HIVEP3: variants seen among roughly 807,000 people sequenced by gnomAD.
The protein encoded by HIVEP3 is transcription factor HIVEP3.
In HIVEP3, 49 loss-of-function variants were observed where a neutral mutation model predicts 152.8. The ratio of observed to expected loss-of-function variants is 0.32; its 90% CI spans 0.26 to 0.41. The LOEUF (loss-of-function observed/expected upper bound fraction) is 0.41. Among genes scored for constraint, HIVEP3 ranks in the 10% least tolerant of loss-of-function variants. The pLI is 1.00. For synonymous variants in HIVEP3, 1,269 were observed against 1,289.0 expected, an observed-to-expected ratio of 0.98 and a Z score of 0.33; for missense variants, 2,790 against 3,103.3, an observed-to-expected ratio of 0.90 and a Z score of 2.40.
intron 1 of HIVEP3, among the ~76,000 whole-genome samples, chr1:41,982,574 T>C (rs1645299196): frequency 6.6e-6 from 1 of 152,170 alleles, no homozygotes; most frequent in Admixed American, 6.5e-5. Flanking sequence ...CTGTAATTTA[T>C]TTATCCAGTG....
Position 41,584,121 on chromosome 1 carries a change from C to A in HIVEP3, c.677G>T (p.Gly226Val). ...GERPYPCGPC[G>V]FSFKTKSNLY... ...ATTACTCTTGGTCTTGAAGGAGAAG[C>A]CACAGGGGCCGCAGGGGTAGGGCCT... is the stretch of plus-strand genomic sequence containing the variant. The change falls in exon 4 of 9, where the codon GGC becomes GTC. Residue 226 changes from glycine to valine, a missense_variant. Physicochemically the swap from Gly to Val is moderately radical, Grantham distance 109. Around this residue, in one of 9 missense-constraint regions of HIVEP3, gnomAD observed 25 missense variants for 75.9 expected, o/e 0.33. Transcript: ENST00000372583. This position sits in a 1 kb window ranked among gnomAD's most constrained non-coding sequence, Gnocchi z 5.2. 6.2e-7 allele frequency: 1 copy of A among 1,614,142 alleles called. No individual in the cohort carries two copies.
At chr1:41,527,124 TCACA>T (rs1174648051) in intron 5 of HIVEP3, among the ~76,000 whole-genome samples, 15 of 93,050 alleles carry the variant, frequency 1.6e-4, no homozygotes, top group African/African-American at 3.4e-4. Context: ...ACCCTCTTCC[TCACA>T]CACACCCTCA....
chr1:41,844,694 A>T (rs1424141562), intron 1 of HIVEP3, among the ~76,000 whole-genome samples: 59 of 152,226 alleles, frequency 3.9e-4, no homozygotes, highest in Non-Finnish European at 1.2e-4. Flanking sequence ...TCAAGTCTCA[A>T]TCTTAGTCCA....
chr1:41,591,072 A>C (rs928176334), intron 3 of HIVEP3, among the ~76,000 whole-genome samples: 1 of 152,238 alleles, frequency 6.6e-6, no homozygotes, highest in African/African-American at 2.4e-5. Context: ...TCAATAAATA[A>C]TAATCATCAT....
chr1:41,529,064 C>CTTA (rs1643137035), intron 5 of HIVEP3, among the ~76,000 whole-genome samples: 1 of 144,536 alleles, frequency 6.9e-6, no homozygotes, highest in Non-Finnish European at 1.5e-5. Flanking sequence ...CCCACCCTCA[C>CTTA]CCTCACACTC....
chr1:41,824,802 GA>G (rs1642740755), intron 1 of HIVEP3, among the ~76,000 whole-genome samples: 1 of 26,888 alleles, frequency 3.7e-5, no homozygotes, highest in African/African-American at 1.2e-4. Context: ...GAGAGAGAGA[GA>G]GAGAGAGAGA....
intron 1 of HIVEP3, among the ~76,000 whole-genome samples, chr1:41,732,836 G>A (rs543783444): frequency 6.6e-6 from 1 of 152,248 alleles, no homozygotes; most frequent in Non-Finnish European, 1.5e-5. Context: ...GCCCTGCAGG[G>A]ATCAGATGGG....
At chr1:41,544,631 T>C (rs1335546663) in intron 5 of HIVEP3, among the ~76,000 whole-genome samples, 1 of 131,258 alleles carries the variant, frequency 7.6e-6, no homozygotes, top group South Asian at 2.5e-4. Flanking sequence ...CTATCATCGC[T>C]ACTACCATCA....
At chr1:42,003,786 CAAA>C (rs112079993) in intron 1 of HIVEP3, among the ~76,000 whole-genome samples, 9 of 104,162 alleles carry the variant, frequency 8.6e-5, no homozygotes, top group Admixed American at 1.0e-4. Flanking sequence ...CTTTTTAGGG[CAAA>C]AAAAAAAAAA....
chr1:41,676,261 A>G (rs971958979), intron 2 of HIVEP3, among the ~76,000 whole-genome samples: 1 of 152,172 alleles, frequency 6.6e-6, no homozygotes, highest in Admixed American at 6.5e-5. Flanking sequence ...CATGGTGGCC[A>G]GGCTGGTCTT....
In HIVEP3 at chr1:41,913,993, CTCCCCAAA is replaced by C. The variant is rs555456347; in HGVS notation, c.-801+4412_-801+4419del. On this transcript the variant is annotated intron_variant, in intron 1 of 8. Transcript: ENST00000372583. The stretch of plus-strand genomic sequence containing the variant: ...TTCCCTATACTTCTCCCTGGCTTTG[CTCCCCAAA>C]TCTGAAAGGCATTTTCAGATCACCC... Among the ~76,000 whole-genome samples the C allele has an allele frequency of 4.1e-3, 622 of 152,262 alleles. 3 individuals carry two copies. The highest frequency in any genetic ancestry group is 0.017 in the Middle Eastern group (5 of 294).
At chr1:41,837,070 T>G (rs1643145099) in intron 1 of HIVEP3, among the ~76,000 whole-genome samples, 1 of 152,192 alleles carries the variant, frequency 6.6e-6, no homozygotes, top group African/African-American at 2.4e-5. Context: ...TTCATCTCCC[T>G]CCACCCTTTC....
chr1:41,934,649 G>A (rs1645011580), intron 1 of HIVEP3, among the ~76,000 whole-genome samples: 1 of 152,128 alleles, frequency 6.6e-6, no homozygotes. Context: ...CTTGCTTAAA[G>A]AGCTTTAGGA....
intron 2 of HIVEP3, among the ~76,000 whole-genome samples, chr1:41,694,039 T>C (rs1646235678): frequency 2.6e-5 from 4 of 152,254 alleles, no homozygotes; most frequent in Admixed American, 2.6e-4. Flanking sequence ...CATTCATCCA[T>C]GTTTATTTTT....
At chr1:41,687,358 TCTTCAAAG>T (rs1001771689) in intron 2 of HIVEP3, among the ~76,000 whole-genome samples, 1 of 152,248 alleles carries the variant, frequency 6.6e-6, no homozygotes, top group Non-Finnish European at 1.5e-5. Flanking sequence ...CTGCCCCTTC[TCTTCAAAG>T]CCTCATTTAA....
At chr1:41,656,275 A>G (rs1475697630) in intron 2 of HIVEP3, among the ~76,000 whole-genome samples, 7 of 152,186 alleles carry the variant, frequency 4.6e-5, no homozygotes, top group Non-Finnish European at 8.8e-5. Flanking sequence ...CTTGCACATC[A>G]AAGGCCCATG....
chr1:41,753,072 CCTT>C (rs1326498605), intron 1 of HIVEP3, among the ~76,000 whole-genome samples: 2 of 152,166 alleles, frequency 1.3e-5, no homozygotes, highest in Non-Finnish European at 2.9e-5. Flanking sequence ...ACACAAAACT[CCTT>C]CTGTAAAAAC....
chr1:41,825,552 T>C (rs1182064316), intron 1 of HIVEP3, among the ~76,000 whole-genome samples: 2 of 151,218 alleles, frequency 1.3e-5, no homozygotes, highest in African/African-American at 4.9e-5. Flanking sequence ...ATTACAGGCG[T>C]GAGCCACTGC....
chr1:41,685,863 C>CCTCTCTGT (rs917331478), intron 2 of HIVEP3, among the ~76,000 whole-genome samples: 5 of 152,128 alleles, frequency 3.3e-5, no homozygotes, highest in African/African-American at 4.8e-5. Context: ...CTCCAACCCG[C>CCTCTCTGT]CTCTCTGTCT....
Sources: gnomAD v4.1 joint callset for allele counts (sites outside exome capture counted in the v4.1 genomes callset) on GRCh38, gnomAD v4.1.1 for gene constraint, gnomAD v4.1.1 regional missense constraint, Gnocchi (gnomAD v3.1) non-coding constraint, MANE v1.5 for transcripts, NCBI Gene and HGNC (gene_info 2026-07-23, HGNC 2026-07-21) for gene names.